Variants in ROBO2 observed in about 807,000 individuals in gnomAD.
ROBO2 encodes roundabout guidance receptor 2.
Under a neutral mutation model 160.8 loss-of-function variants are expected in ROBO2, and 53 were observed. The ratio of observed to expected loss-of-function variants is 0.33; its 90% confidence interval spans 0.26 to 0.41. The LOEUF (loss-of-function observed/expected upper bound fraction) is 0.41, where lower values mean the gene tolerates loss of function less well. ROBO2 is among the 10% of genes least tolerant of loss of function. The pLI is 1.00. For synonymous variants in ROBO2, 664 were observed against 611.7 expected, an observed-to-expected ratio of 1.09 and a Z score of -1.26; for missense variants, 1,577 against 1,722.4, an observed-to-expected ratio of 0.92 and a Z score of 1.49.
chr3:76,190,519 A>G (rs1431754753), intron 2 of ROBO2, among the ~76,000 whole-genome samples: 3 of 152,142 alleles, frequency 2.0e-5, no homozygotes, highest in Non-Finnish European at 4.4e-5. Flanking sequence ...ATATGTGATT[A>G]TCTAATGCTT....
intron 1 of ROBO2, among the ~76,000 whole-genome samples, chr3:75,921,619 T>A (rs1947059486): frequency 6.6e-6 from 1 of 152,158 alleles, no homozygotes; most frequent in Non-Finnish European, 1.5e-5. Context: ...ATGCAGTTTG[T>A]CTCTGCAAAG....
At chr3:77,194,274 T>C (rs2082128344) in intron 2 of ROBO2, among the ~76,000 whole-genome samples, 1 of 152,176 alleles carries the variant, frequency 6.6e-6, no homozygotes, top group Non-Finnish European at 1.5e-5. Context: ...TTCTTGTCAT[T>C]GGCCCCATTC....
At chr3:77,297,424 G>A (rs908212610) in intron 2 of ROBO2, among the ~76,000 whole-genome samples, 3 of 151,984 alleles carry the variant, frequency 2.0e-5, no homozygotes, top group Non-Finnish European at 2.9e-5. Flanking sequence ...TTGAAAACGA[G>A]GGGAAGTTAA....
intron 2 of ROBO2, among the ~76,000 whole-genome samples, chr3:76,754,035 T>A (rs2060827943): frequency 1.3e-5 from 2 of 151,942 alleles, no homozygotes; most frequent in South Asian, 4.1e-4. Flanking sequence ...TGTAAAATTT[T>A]TTATTGGTAT....
intron 2 of ROBO2, among the ~76,000 whole-genome samples, chr3:75,989,990 G>A (rs559945353): frequency 6.6e-6 from 1 of 151,980 alleles, no homozygotes; most frequent in Non-Finnish European, 1.5e-5. Context: ...ATTTCTCAAG[G>A]TATAAAAAAT....
At chr3:76,759,016 C>G (rs1576459190) in intron 2 of ROBO2, among the ~76,000 whole-genome samples, 1 of 151,844 alleles carries the variant, frequency 6.6e-6, no homozygotes, top group Admixed American at 6.6e-5. Flanking sequence ...AGTTTGGTAT[C>G]TTTTGAGCTA....
intron 2 of ROBO2, among the ~76,000 whole-genome samples, chr3:76,338,134 C>A (rs968733921): frequency 1.3e-5 from 2 of 152,082 alleles, no homozygotes; most frequent in Non-Finnish European, 2.9e-5. Context: ...AAGTACATAG[C>A]TATAAGGAAT....
At chr3:76,372,155 T>G (rs1210960948) in intron 2 of ROBO2, among the ~76,000 whole-genome samples, 1 of 151,964 alleles carries the variant, frequency 6.6e-6, no homozygotes, top group African/African-American at 2.4e-5. Flanking sequence ...TTTTGTTACT[T>G]TATACATTAA....
At chr3:76,404,982 C>G (rs9847716) in intron 2 of ROBO2, among the ~76,000 whole-genome samples, 9,468 of 151,488 alleles carry the variant, frequency 0.062, 852 homozygotes, top group African/African-American at 0.2. Context: ...AATGGAAATG[C>G]TTAAAACTCT....
At chr3:76,877,508 A>ATTG (rs1322879476) in intron 2 of ROBO2, among the ~76,000 whole-genome samples, 18 of 152,198 alleles carry the variant, frequency 1.2e-4, no homozygotes, top group African/African-American at 3.4e-4. Flanking sequence ...CCAGTAGTTG[A>ATTG]TACACAGCTC....
At chr3:76,192,741 C>T (rs2107189753) in intron 2 of ROBO2, among the ~76,000 whole-genome samples, 1 of 152,216 alleles carries the variant, frequency 6.6e-6, no homozygotes, top group East Asian at 1.9e-4. Context: ...ACCATCCTGT[C>T]ACTATTCAAT....
At chr3:76,108,305 A>C (rs11918411) in intron 2 of ROBO2, among the ~76,000 whole-genome samples, 35,012 of 151,840 alleles carry the variant, frequency 0.23, 5,234 homozygotes, top group African/African-American at 0.43. Flanking sequence ...TTTAGTTGTT[A>C]TTATTTAGCA....
intron 2 of ROBO2, among the ~76,000 whole-genome samples, chr3:77,370,126 G>A (rs148727913): frequency 6.6e-5 from 10 of 152,132 alleles, no homozygotes; most frequent in African/African-American, 1.7e-4. Flanking sequence ...TAACAAAAGT[G>A]TGATGGTTTG....
At chr3:76,019,431 T>A (rs1329053448) in intron 2 of ROBO2, among the ~76,000 whole-genome samples, 1 of 151,596 alleles carries the variant, frequency 6.6e-6, no homozygotes, top group Non-Finnish European at 1.5e-5. Flanking sequence ...CATTATGGCC[T>A]CCCCACATGC....
At chr3:76,099,644 A>G (rs1165393833) in intron 2 of ROBO2, among the ~76,000 whole-genome samples, 1 of 152,212 alleles carries the variant, frequency 6.6e-6, no homozygotes, top group Non-Finnish European at 1.5e-5. Context: ...AATCCTGTAA[A>G]TTTTATACTT....
chr3:77,366,495 A>G (rs2070895099), intron 2 of ROBO2, among the ~76,000 whole-genome samples: 1 of 152,148 alleles, frequency 6.6e-6, no homozygotes, highest in Non-Finnish European at 1.5e-5. Context: ...ATCTGCCTGC[A>G]CATTGATCTT....
At chr3:77,587,089 A>G (rs1474641604) in intron 16 of ROBO2, among the ~76,000 whole-genome samples, 2 of 152,020 alleles carry the variant, frequency 1.3e-5, no homozygotes, top group East Asian at 1.9e-4. Flanking sequence ...TCAGACCAAT[A>G]TGGGTCAGCA....
intron 2 of ROBO2, among the ~76,000 whole-genome samples, chr3:77,372,125 A>G (rs1181240877): frequency 2.0e-5 from 3 of 152,094 alleles, no homozygotes; most frequent in Non-Finnish European, 4.4e-5. Context: ...AGGAGATTTT[A>G]AAAAGGGGGA....
chr3:77,147,060 C>T (rs1036237990), intron 2 of ROBO2, among the ~76,000 whole-genome samples: 1 of 152,112 alleles, frequency 6.6e-6, no homozygotes, highest in African/African-American at 2.4e-5. Context: ...GCAATATGCA[C>T]CTGTTTATGG....
Sources: allele counts gnomAD v4.1 joint callset (sites outside exome capture counted in the v4.1 genomes callset), GRCh38; gene constraint gnomAD v4.1.1; transcripts MANE v1.5; gene names NCBI Gene and HGNC (gene_info 2026-07-23, HGNC 2026-07-21).